Variants in FSCN1 observed in about 807,000 individuals in gnomAD.
FSCN1 encodes fascin.
A neutral mutation model predicts 39.7 loss-of-function variants in FSCN1; 10 were observed. That is an observed-to-expected ratio of 0.25 (90% CI 0.16 to 0.43). The LOEUF is 0.43. Among genes scored for constraint, FSCN1 ranks in the 20% least tolerant of loss-of-function variants. FSCN1 has a pLI of 1.00. For missense variants in FSCN1, 525 were observed against 723.8 expected (o/e 0.73, Z 3.15); for synonymous variants, 322 against 320.0 (o/e 1.01, Z -0.07).
At chr7:5,598,549 G>A (rs946550649) in intron 1 of FSCN1, among the ~76,000 whole-genome samples, 3 of 152,350 alleles carry the variant, frequency 2.0e-5, no homozygotes, top group South Asian at 2.1e-4. Context: ...TGTTCCAGGC[G>A]GGCTGGTAAG....
Position 5,605,621 on chromosome 7 carries a change from A to G in FSCN1, c.*147A>G. 1.6e-6 allele frequency: 1 copy of G among 640,160 alleles called. No homozygotes were observed. The highest frequency in any genetic ancestry group is 2.8e-5 in the East Asian group (1 of 36,040). The allele number at this position is 640,160 out of a possible 1,614,324, so 39.7% of individuals were successfully genotyped here. ...AAACCCCAGAGAAAACGGTGCCCCC[A>G]CCTGTCGCCCCTATGGACTCCCCAC... On this transcript the variant is annotated 3_prime_UTR_variant, in exon 5 of 5. Coordinates refer to ENST00000382361, the MANE Select transcript of FSCN1 (RefSeq NM_003088.4). The surrounding 1 kb of genome is among the most constrained non-coding windows in gnomAD (Gnocchi z 6.9).
At chr7:5,596,047 G>C (rs1785724574) in intron 1 of FSCN1, among the ~76,000 whole-genome samples, 1 of 151,878 alleles carries the variant, frequency 6.6e-6, no homozygotes, top group Admixed American at 6.6e-5. Flanking sequence ...GGGGGTACTT[G>C]GGGGCCGAGG....
In FSCN1 at chr7:5,603,972, C is replaced by A. The variant is rs1279740662; in HGVS notation, c.1221C>A (p.Asn407Lys). Residue 407 changes from asparagine (N) to lysine (K), a missense_variant, in exon 4 of 5, where the codon AAC becomes AAA. Around this residue, in one of 3 missense-constraint regions of FSCN1, gnomAD observed 275 missense variants for 351.9 expected, o/e 0.78. Transcript: ENST00000382361. The surrounding 1 kb of genome is among the most constrained non-coding windows in gnomAD (Gnocchi z 8.5). ...AGGTCACGGGCACCCTGGACGCCAA[C>A]CGCTCCAGCTATGACGTCTTCCAGC... ...CRKVTGTLDA[N>K]RSSYDVFQLE... 6.2e-7 allele frequency: 1 copy of A among 1,613,914 alleles called. No homozygotes were observed. The highest frequency in any genetic ancestry group is 8.5e-7 in the Non-Finnish European group (1 of 1,180,032).
At position 5,605,537 on chromosome 7, in the gene FSCN1, C is replaced by A. The variant is rs973663175; in HGVS notation, c.*63C>A. The A allele has an allele frequency of 5.2e-5, 64 of 1,229,306 alleles. No homozygotes were observed. Among genetic ancestry groups the A allele is most frequent in the Non-Finnish European group, 6.9e-5 (61 of 887,112 alleles). The allele number at this position is 1,229,306 out of a possible 1,614,324, so 76.1% of individuals were successfully genotyped here. On this transcript the variant is annotated 3_prime_UTR_variant, in exon 5 of 5. Transcript: ENST00000382361. This position sits in a 1 kb window ranked among gnomAD's most constrained non-coding sequence, Gnocchi z 6.9. ...GCTCCTGCCAACCCTCCCTGCTAAC[C>A]CCTTCTCCGCCAGGTGGGCTCCAGG...
At position 5,603,300 on chromosome 7, in the gene FSCN1, G is replaced by C; in HGVS notation, c.876G>C (p.Glu292Asp). The C allele has an allele frequency of 6.2e-7, 1 of 1,613,126 alleles. No homozygotes were observed. The highest frequency in any genetic ancestry group is 8.5e-7 in the Non-Finnish European group (1 of 1,180,022). The change falls in exon 2 of 5, where the codon GAG becomes GAC. Residue 292 changes from glutamate to aspartate, a missense_variant. Coordinates refer to ENST00000382361, the MANE Select transcript of FSCN1 (RefSeq NM_003088.4). This position sits in a 1 kb window ranked among gnomAD's most constrained non-coding sequence, Gnocchi z 8.5. The stretch of plus-strand genomic sequence containing the variant: ...ATCAGGACGAGGAGACCGACCAGGA[G>C]ACCTTCCAGCTGGAGATCGACCGCG... ...SANQDEETDQ[E>D]TFQLEIDRDT...
chr7:5,593,858 G>C (rs1785678435), intron 1 of FSCN1, 90 bp downstream of exon 1: 2 of 922,926 alleles, frequency 2.2e-6, no homozygotes, highest in East Asian at 5.8e-5. Context: ...TTTCTCGCTC[G>C]CGGCGCCGCT....
At chr7:5,598,958 C>T (rs1352591418) in intron 1 of FSCN1, among the ~76,000 whole-genome samples, 1 of 152,204 alleles carries the variant, frequency 6.6e-6, no homozygotes, top group African/African-American at 2.4e-5. Context: ...GGCAGCTGTG[C>T]GGGTGTGGCT....
Position 5,605,518 on chromosome 7 carries a change from G to A in FSCN1, c.*44G>A, listed in dbSNP as rs1262957883. On this transcript the variant is annotated 3_prime_UTR_variant, in exon 5 of 5. Coordinates refer to ENST00000382361, the MANE Select transcript of FSCN1 (RefSeq NM_003088.4). This position sits in a 1 kb window ranked among gnomAD's most constrained non-coding sequence, Gnocchi z 6.9. Reference sequence around the variant, plus strand: ...CGCCCCTGCCCACATGGCGGCTCCTGCCAACCCTCCCTGCTAACCCCTTCT... The same window carrying A: ...CGCCCCTGCCCACATGGCGGCTCCTACCAACCCTCCCTGCTAACCCCTTCT... 3 of 1,403,236 alleles carry A rather than the reference G, an allele frequency of 2.1e-6. No individual in the cohort carries two copies. The highest frequency in any genetic ancestry group is 5.0e-5 in the East Asian group (2 of 40,088). 86.9% of individuals were successfully genotyped at this position (1,403,236 alleles called of 1,614,324 possible).
At chr7:5,594,074 C>T (rs569351210) in intron 1 of FSCN1, 1 of 384,816 alleles carries the variant, frequency 2.6e-6, no homozygotes, top group African/African-American at 2.2e-5. Flanking sequence ...CTTGGCTCTC[C>T]CCACGCGCGC....
intron 1 of FSCN1, among the ~76,000 whole-genome samples, chr7:5,601,758 T>G (rs942344324): frequency 1.3e-5 from 2 of 152,082 alleles, no homozygotes; most frequent in Non-Finnish European, 2.9e-5. Flanking sequence ...GAGGATCACT[T>G]GAGCCCAGGA....
intron 4 of FSCN1, 70 bp downstream of exon 4, chr7:5,604,100 A>G: frequency 6.9e-7 from 1 of 1,449,728 alleles, no homozygotes; most frequent in Non-Finnish European, 9.5e-7. Flanking sequence ...TGCTGCGGGG[A>G]GCGCCCTCTG....
rs1422103392 is a variant in FSCN1 at position 5,593,245 on chromosome 7, G to A, written c.309G>A (p.Leu103=). Reference sequence around the variant, plus strand: ...CGCACGACGACGGTCGCTGGTCGCTGCAGTCCGAGGCGCACCGGCGCTACT... The same window carrying A: ...CGCACGACGACGGTCGCTGGTCGCTACAGTCCGAGGCGCACCGGCGCTACT... ...IVAHDDGRWS[L]QSEAHRRYFG... The change falls in exon 1 of 5, where the codon CTG becomes CTA. Residue 103 remains leucine (L), a synonymous_variant. Transcript: ENST00000382361. 6.2e-7 allele frequency: 1 copy of A among 1,608,680 alleles called. No individual in the cohort carries two copies. Among genetic ancestry groups the A allele is most frequent in the Non-Finnish European group, 8.5e-7 (1 of 1,178,692 alleles).
rs1785785613 is a variant in FSCN1, at chr7:5,599,266, G to A, written c.833-3991G>A. Among the ~76,000 whole-genome samples, 1 of 152,186 alleles carries A rather than the reference G, an allele frequency of 6.6e-6. No individual in the cohort carries two copies. The highest frequency in any genetic ancestry group is 2.4e-5 in the African/African-American group (1 of 41,446). On this transcript the variant is annotated intron_variant, in intron 1 of 4. Transcript: ENST00000382361. The surrounding 1 kb of genome is among the most constrained non-coding windows in gnomAD (Gnocchi z 5.6). ...TTAAGGGGCCCCAGGGAACCTGGGG[G>A]GTGGAGCCCAAGGGGTTCCAAGAAG...
In FSCN1 at chr7:5,603,627, A is replaced by C; in HGVS notation, c.1111+10A>C. On this transcript the variant is annotated intron_variant, in intron 3 of 4. Transcript: ENST00000382361. The surrounding 1 kb of genome is among the most constrained non-coding windows in gnomAD (Gnocchi z 8.5). ...TCGGTGGAGACAGCAGGTAACACTAAAGCCCCAGTTCCCTGGAGCCGTCCT... is the reference window on the plus strand; with the variant it reads ...TCGGTGGAGACAGCAGGTAACACTACAGCCCCAGTTCCCTGGAGCCGTCCT... 1.2e-6 allele frequency: 2 copies of C among 1,613,922 alleles called. No individual in the cohort carries two copies. The highest frequency in any genetic ancestry group is 1.7e-6 in the Non-Finnish European group (2 of 1,179,994).
In FSCN1 at chr7:5,605,933, C is replaced by T. The variant is rs1364666965; in HGVS notation, c.*459C>T. The T allele has an allele frequency of 6.2e-6, 1 of 161,900 alleles. No homozygotes were observed. The highest frequency in any genetic ancestry group is 1.4e-5 in the Non-Finnish European group (1 of 73,780). 10.0% of individuals were successfully genotyped at this position (161,900 alleles called of 1,614,324 possible). Reference sequence around the variant, plus strand: ...CACATGTCCCAAGCCTGTCAGTGGCCCTCCCTGGTGCACTGTCCCCGAAAC... The same window carrying T: ...CACATGTCCCAAGCCTGTCAGTGGCTCTCCCTGGTGCACTGTCCCCGAAAC... On this transcript the variant is annotated 3_prime_UTR_variant, in exon 5 of 5. Coordinates refer to ENST00000382361, the MANE Select transcript of FSCN1 (RefSeq NM_003088.4). The surrounding 1 kb of genome is among the most constrained non-coding windows in gnomAD (Gnocchi z 6.9).
rs75279101 is a variant in FSCN1 at position 5,605,079 on chromosome 7, C to T, written c.1280-193C>T. 0.026 allele frequency among the ~76,000 whole-genome samples: 3,893 copies of T among 152,304 alleles called. 72 individuals carry two copies. The highest frequency in any genetic ancestry group is 0.035 in the Non-Finnish European group (2,393 of 68,020). ...TGAGCCACTGCGGCCGAGCAGAACA[C>T]GTTCTAGGACCCTTGTTCATGTGTC... On this transcript the variant is annotated intron_variant, in intron 4 of 4. Transcript: ENST00000382361. This position sits in a 1 kb window ranked among gnomAD's most constrained non-coding sequence, Gnocchi z 6.9.
At chr7:5,604,520 C>A (rs567125360) in intron 4 of FSCN1, among the ~76,000 whole-genome samples, 1 of 151,772 alleles carries the variant, frequency 6.6e-6, no homozygotes, top group South Asian at 2.1e-4. Flanking sequence ...CCTGGCTGGA[C>A]TGCAGTGGCG....
chr7:5,596,463 C>G (rs1785732183), intron 1 of FSCN1, among the ~76,000 whole-genome samples: 1 of 152,228 alleles, frequency 6.6e-6, no homozygotes, highest in Admixed American at 6.5e-5. Flanking sequence ...CCCTTCACAC[C>G]AGAGGCTGGG....
At position 5,603,267 on chromosome 7, in the gene FSCN1, G is replaced by A. The variant is rs1317905875; in HGVS notation, c.843G>A (p.Leu281=). 1 of 1,611,934 alleles carries A rather than the reference G, an allele frequency of 6.2e-7. No homozygotes were observed. The highest frequency in any genetic ancestry group is 2.2e-5 in the East Asian group (1 of 44,892). Residue 281 remains leucine, a synonymous_variant, in exon 2 of 5, where the codon CTG becomes CTA. Transcript: ENST00000382361. The surrounding 1 kb of genome is among the most constrained non-coding windows in gnomAD (Gnocchi z 8.5). ...GCCTCCTCTCTGCAGGTATGGACCT[G>A]TCTGCCAATCAGGACGAGGAGACCG... ...RNVSTRQGMD[L]SANQDEETDQ... is the part of the protein sequence containing the mutation.
Sources: gnomAD v4.1 joint callset for allele counts (sites outside exome capture counted in the v4.1 genomes callset) on GRCh38, gnomAD v4.1.1 for gene constraint, gnomAD v4.1.1 regional missense constraint, Gnocchi (gnomAD v3.1) non-coding constraint, MANE v1.5 for transcripts, NCBI Gene and HGNC (gene_info 2026-07-23, HGNC 2026-07-21) for gene names.